Variants in LZTFL1 observed in about 807,000 individuals in gnomAD.
LZTFL1 encodes the protein leucine zipper transcription factor like 1.
Under a neutral mutation model 45.9 loss-of-function variants are expected in LZTFL1, and 25 were observed. The observed-to-expected ratio is 0.54, with a 90% CI of 0.40 to 0.76. The LOEUF is 0.76. LZTFL1 is among the 30% of genes least tolerant of loss of function. The probability of loss-of-function intolerance (pLI) is 0.00; values close to 1 mark genes in which losing one functional copy is unlikely to be tolerated. For missense variants in LZTFL1, 277 were observed against 331.1 expected (o/e 0.84, Z 1.27); for synonymous variants, 93 against 117.4 (o/e 0.79, Z 1.35).
At chr3:45,874,075 G>C (rs1378116923) in intron 2 of LZTFL1, among the ~76,000 whole-genome samples, 1 of 152,180 alleles carries the variant, frequency 6.6e-6, no homozygotes, top group African/African-American at 2.4e-5. Flanking sequence ...ACATGTCAAA[G>C]ATGTTTCTGC....
In LZTFL1 at chr3:45,833,119, G is replaced by A. The variant is rs1428702402; in HGVS notation, c.387C>T (p.Pro129=). Residue 129 remains proline (P), a splice_region_variant and synonymous_variant, in exon 5 of 10, where the codon CCC becomes CCT. Transcript: ENST00000296135. ...KAEITSSNKK[P]ILDVTKPKLA... is the part of the protein sequence containing the mutation. ...GTTTTGGCTTTGTGACATCTAAGAT[G>A]GGCTGAAACAAAATAAAGAAACCAA... 1 of 1,611,030 alleles carries A rather than the reference G, an allele frequency of 6.2e-7. No individual in the cohort carries two copies.
intron 2 of LZTFL1, chr3:45,912,987 G>A: frequency 3.4e-6 from 3 of 886,290 alleles, no homozygotes; most frequent in Non-Finnish European, 5.0e-6. Context: ...CCTGGTTTAT[G>A]GAAAAGCTTT....
chr3:45,840,937 T>C (rs77425306), intron 1 of LZTFL1, among the ~76,000 whole-genome samples: 5,184 of 152,334 alleles, frequency 0.034, 288 homozygotes, highest in African/African-American at 0.12. Flanking sequence ...CTTATCATAT[T>C]AACAGTCTTG....
In LZTFL1 at chr3:45,901,218, A is replaced by G. The variant is rs748863151; in HGVS notation, c.-215+11902T>C. The stretch of plus-strand genomic sequence containing the variant: ...GCTGATCATGTGCATCAGCGTGGAC[A>G]GGTACATTGCCATTGCCCAGGCCAT... On this transcript the variant is annotated intron_variant, in intron 2 of 4. Transcript: ENST00000472635. The surrounding 1 kb of genome is among the most constrained non-coding windows in gnomAD (Gnocchi z 4.3). 1.2e-6 allele frequency: 2 copies of G among 1,614,084 alleles called. No homozygotes were observed. Among genetic ancestry groups the G allele is most frequent in the Non-Finnish European group, 1.7e-6 (2 of 1,180,012 alleles).
intron 2 of LZTFL1, among the ~76,000 whole-genome samples, chr3:45,873,812 G>T (rs531359479): frequency 6.6e-6 from 1 of 152,200 alleles, no homozygotes; most frequent in South Asian, 2.1e-4. Context: ...CTAGGATACC[G>T]TCTCCTCCCT....
intron 3 of LZTFL1, among the ~76,000 whole-genome samples, chr3:45,857,294 C>T (rs911217792): frequency 1.3e-5 from 2 of 152,182 alleles, no homozygotes; most frequent in African/African-American, 2.4e-5. Context: ...ATTGCATGTT[C>T]TCACTTATAA....
chr3:45,890,277 T>TATATAAC lies in LZTFL1; in HGVS notation c.-215+22842_-215+22843insGTTATAT, dbSNP rs1559421375. On this transcript the variant is annotated intron_variant, in intron 2 of 4. Coordinates refer to the LZTFL1 transcript ENST00000472635. The stretch of plus-strand genomic sequence containing the variant: ...ATTAGAAATATATATATAACATATA[T>TATATAAC]ATATATTTATATAAATATATATATA... 1.3e-4 allele frequency among the ~76,000 whole-genome samples: 9 copies of TATATAAC among 69,388 alleles called. 4 individuals carry two copies. In the East Asian group the frequency reaches 1.5e-3, roughly 11 times the overall value. The allele number at this position is 69,388 out of a possible 152,430, so 45.5% of individuals were successfully genotyped here. A position where few individuals can be genotyped will look rare whatever the true frequency, so the allele number is the denominator to read the frequency against.
At chr3:45,843,478 G>T (rs1458411071), upstream of LZTFL1, among the ~76,000 whole-genome samples, 2 of 152,196 alleles carry the variant, frequency 1.3e-5, no homozygotes, top group Non-Finnish European at 2.9e-5. Flanking sequence ...AGTAAACAAA[G>T]TTGGTCATCA....
intron 4 of LZTFL1, among the ~76,000 whole-genome samples, chr3:45,851,076 C>A (rs1259908677): frequency 6.6e-6 from 1 of 152,166 alleles, no homozygotes; most frequent in Admixed American, 6.5e-5. Flanking sequence ...GCTCCCCACA[C>A]CCCATCATAG....
rs1700798215 is a variant in LZTFL1 at position 45,830,965 on chromosome 3, G to A, written c.548C>T (p.Ser183Leu). ...ATCTTGCAGTGCTTTTTCTAGTTTT[G>A]ACTTTTCATCCAGTGCATTTGTAGC... ...IQATNALDEK[S>L]KLEKALQDLQ... Residue 183 changes from serine to leucine, a missense_variant, in exon 7 of 10, where the codon TCA becomes TTA. Coordinates refer to ENST00000296135, the MANE Select transcript of LZTFL1 (RefSeq NM_020347.4). The A allele has an allele frequency of 6.2e-7, 1 of 1,613,844 alleles. No homozygotes were observed.
rs1219023853 is a variant in LZTFL1 at position 45,834,232 on chromosome 3, A to AGG, written c.384+5_384+6insCC. On this transcript the variant is annotated splice_donor_region_variant and intron_variant, in intron 4 of 9. Coordinates refer to ENST00000296135, the MANE Select transcript of LZTFL1 (RefSeq NM_020347.4). The stretch of plus-strand genomic sequence containing the variant: ...AGATATGGATTTAGAATGACCAAAA[A>AGG]GTTACCTTTTTGTTTGAAGATGTAA... The AGG allele has an allele frequency of 1.6e-5, 25 of 1,572,624 alleles. No homozygotes were observed. Among genetic ancestry groups the AGG allele is most frequent in the Non-Finnish European group, 2.2e-5 (25 of 1,146,072 alleles).
chr3:45,914,287 ATTTT>A (rs61169591), intron 1 of LZTFL1, among the ~76,000 whole-genome samples: 14 of 142,440 alleles, frequency 9.8e-5, no homozygotes, highest in African/African-American at 7.8e-5. Flanking sequence ...ATGGATCTGC[ATTTT>A]TTTTTTTTTT....
chr3:45,853,294 C>A (rs187311349), intron 4 of LZTFL1, among the ~76,000 whole-genome samples: 88 of 152,266 alleles, frequency 5.8e-4, no homozygotes, highest in Middle Eastern at 3.4e-3. Flanking sequence ...TTTTGAGGGA[C>A]ACAAAGTTAT....
At chr3:45,838,501 A>G (rs1020073602) in intron 1 of LZTFL1, among the ~76,000 whole-genome samples, 2 of 152,228 alleles carry the variant, frequency 1.3e-5, no homozygotes, top group Admixed American at 6.5e-5. Context: ...GTGAGAGCGA[A>G]ATAAACTTCT....
upstream of LZTFL1, among the ~76,000 whole-genome samples, chr3:45,842,502 A>G (rs1701146808): frequency 6.6e-6 from 1 of 151,778 alleles, no homozygotes; most frequent in African/African-American, 2.4e-5. Context: ...AGGAGTTCCT[A>G]CCTGAGCATC....
intron 1 of LZTFL1, among the ~76,000 whole-genome samples, chr3:45,913,798 G>A (rs1272066476): frequency 6.6e-6 from 1 of 152,044 alleles, no homozygotes; most frequent in African/African-American, 2.4e-5. Flanking sequence ...CCTCCCCAAC[G>A]CATACCCCCT....
At chr3:45,845,303 A>C (rs1351507763), upstream of LZTFL1, among the ~76,000 whole-genome samples, 1 of 152,216 alleles carries the variant, frequency 6.6e-6, no homozygotes, top group Non-Finnish European at 1.5e-5. Context: ...TGAAGGGAGA[A>C]TTCAAGCTTG....
At chr3:45,842,129 C>T, upstream of LZTFL1, 1 of 1,526,466 alleles carries the variant, frequency 6.6e-7, no homozygotes, top group Non-Finnish European at 8.8e-7. Flanking sequence ...TGGTTGCTAA[C>T]GGAAACCGAG....
At chr3:45,854,235 C>T (rs1339914280) in intron 4 of LZTFL1, among the ~76,000 whole-genome samples, 1 of 152,128 alleles carries the variant, frequency 6.6e-6, no homozygotes, top group Non-Finnish European at 1.5e-5. Context: ...CATTCATTCC[C>T]AGGGTTTCAT....
Sources: allele counts gnomAD v4.1 joint callset (sites outside exome capture counted in the v4.1 genomes callset), GRCh38; gene constraint gnomAD v4.1.1; non-coding constraint Gnocchi (gnomAD v3.1); transcripts MANE v1.5; gene names NCBI Gene and HGNC (gene_info 2026-07-23, HGNC 2026-07-21).